SLC1A1: variants seen among roughly 807,000 people sequenced by gnomAD.
SLC1A1 encodes the protein excitatory amino acid transporter 3.
Under a neutral mutation model 53.3 loss-of-function variants are expected in SLC1A1, and 43 were observed. The ratio of observed to expected loss-of-function variants is 0.81; its 90% CI spans 0.63 to 1.04. The LOEUF is 1.04. SLC1A1 is among the 50% of genes least tolerant of loss of function. The probability of loss-of-function intolerance (pLI) is 0.00; values close to 1 mark genes in which losing one functional copy is unlikely to be tolerated. For missense variants in SLC1A1, 748 were observed against 664.9 expected, an observed-to-expected ratio of 1.12 and a Z score of -1.37; for synonymous variants, 307 against 243.2, an observed-to-expected ratio of 1.26 and a Z score of -2.44.
At chr9:4,510,167 T>A (rs539307392) in intron 1 of SLC1A1, among the ~76,000 whole-genome samples, 2 of 152,296 alleles carry the variant, frequency 1.3e-5, no homozygotes, top group Non-Finnish European at 2.9e-5. Flanking sequence ...CTGGTGGCTG[T>A]TGCTTAAGGG....
chr9:4,499,472 C>G (rs1489829483), intron 1 of SLC1A1, among the ~76,000 whole-genome samples: 1 of 152,152 alleles, frequency 6.6e-6, no homozygotes, highest in Non-Finnish European at 1.5e-5. Flanking sequence ...AATGCTTATG[C>G]CTGGTGTTTT....
intron 1 of SLC1A1, 124 bp downstream of exon 1, chr9:4,490,894 G>A: frequency 2.6e-6 from 2 of 767,578 alleles, no homozygotes; most frequent in Non-Finnish European, 4.3e-6. Context: ...TGCCCCCTCG[G>A]CCTTAGCCTC....
intron 1 of SLC1A1, among the ~76,000 whole-genome samples, chr9:4,493,833 C>G (rs1459871462): frequency 1.3e-5 from 2 of 152,060 alleles, no homozygotes; most frequent in Admixed American, 6.5e-5. Context: ...AAATAAGAGG[C>G]AAAGATTTTT....
chr9:4,513,896 G>C (rs941313888), intron 1 of SLC1A1, among the ~76,000 whole-genome samples: 1 of 152,154 alleles, frequency 6.6e-6, no homozygotes, highest in Admixed American at 6.5e-5. Context: ...ACAAAACTCA[G>C]ATGAATCTTA....
intron 7 of SLC1A1, among the ~76,000 whole-genome samples, chr9:4,573,251 T>C (rs372607389): frequency 6.6e-6 from 1 of 152,324 alleles, no homozygotes; most frequent in African/African-American, 2.4e-5. Context: ...CAACATTATT[T>C]AATCCAAAGT....
chr9:4,550,362 C>A (rs775035797), intron 2 of SLC1A1, among the ~76,000 whole-genome samples: 2 of 152,164 alleles, frequency 1.3e-5, no homozygotes, highest in African/African-American at 4.8e-5. Context: ...TTGACCTCAA[C>A]CATAGGATCA....
At chr9:4,511,494 G>T (rs1402845657) in intron 1 of SLC1A1, among the ~76,000 whole-genome samples, 2 of 151,562 alleles carry the variant, frequency 1.3e-5, no homozygotes, top group Admixed American at 1.3e-4. Flanking sequence ...TTTGAAGGAG[G>T]ACATACACAT....
At chr9:4,520,696 G>C (rs1414583377) in intron 1 of SLC1A1, among the ~76,000 whole-genome samples, 2 of 152,120 alleles carry the variant, frequency 1.3e-5, no homozygotes, top group Non-Finnish European at 2.9e-5. Flanking sequence ...TTTCACATTT[G>C]GCTATTAGGA....
chr9:4,563,384 T>A (rs112913323), intron 3 of SLC1A1, among the ~76,000 whole-genome samples: 5 of 152,144 alleles, frequency 3.3e-5, no homozygotes, highest in African/African-American at 1.2e-4. Context: ...AAAATAGCAA[T>A]GAGAATCAAG....
chr9:4,580,651 G>GTGTGTATGTGTGTA (rs370378540), intron 10 of SLC1A1, among the ~76,000 whole-genome samples: 80 of 118,834 alleles, frequency 6.7e-4, no homozygotes, highest in African/African-American at 2.6e-3. Context: ...GTGTGTGTGT[G>GTGTGTATGTGTGTA]TATAAGGAAT....
chr9:4,532,357 G>A (rs1186253092), intron 1 of SLC1A1, among the ~76,000 whole-genome samples: 1 of 151,998 alleles, frequency 6.6e-6, no homozygotes, highest in Non-Finnish European at 1.5e-5. Context: ...CCAATGCAGA[G>A]AAGTCCTTAA....
chr9:4,571,147 T>C (rs981633317), intron 6 of SLC1A1, among the ~76,000 whole-genome samples: 12 of 152,148 alleles, frequency 7.9e-5, no homozygotes, highest in Non-Finnish European at 2.9e-5. Context: ...AACCAAATAC[T>C]GCCTGTTCTT....
At chr9:4,513,903 C>T (rs1235927394) in intron 1 of SLC1A1, among the ~76,000 whole-genome samples, 1 of 152,108 alleles carries the variant, frequency 6.6e-6, no homozygotes, top group Non-Finnish European at 1.5e-5. Context: ...TCAGATGAAT[C>T]TTAGAGGCAT....
chr9:4,509,050 G>C (rs1024565216), intron 1 of SLC1A1, among the ~76,000 whole-genome samples: 1 of 152,182 alleles, frequency 6.6e-6, no homozygotes, highest in African/African-American at 2.4e-5. Context: ...CCTAGGAAAG[G>C]CTTTCTGGAG....
chr9:4,570,384 T>G (rs1202546906), intron 6 of SLC1A1, among the ~76,000 whole-genome samples: 2 of 152,136 alleles, frequency 1.3e-5, no homozygotes, highest in Non-Finnish European at 2.9e-5. Flanking sequence ...TAATTTTTTT[T>G]TTTTTGAGAT....
At position 4,532,130 on chromosome 9, in the gene SLC1A1, ACT is replaced by A. The variant is rs750558804; in HGVS notation, c.92-12434_92-12433del. On this transcript the variant is annotated intron_variant, in intron 1 of 11. Transcript: ENST00000262352. Reference sequence around the variant, plus strand: ...AAAAAACAGAGCAGAAAAACTGGAAACTCTAAAAATCAGAGCGCCTCTCCTCC... The same window carrying A: ...AAAAAACAGAGCAGAAAAACTGGAAACTAAAAATCAGAGCGCCTCTCCTCC... Among the ~76,000 whole-genome samples the A allele has an allele frequency of 5.9e-5, 9 of 152,230 alleles. No individual in the cohort carries two copies. In the East Asian group the frequency reaches 1.4e-3, roughly 23 times the overall value.
Position 4,513,062 on chromosome 9 carries a change from A to G in SLC1A1, c.91+22292A>G, listed in dbSNP as rs965151548. Reference sequence around the variant, plus strand: ...GAACCTCAACCTAAAATCACATTACATTCAAAAATTAACTCCAAAAGGAAA... The same window carrying G: ...GAACCTCAACCTAAAATCACATTACGTTCAAAAATTAACTCCAAAAGGAAA... On this transcript the variant is annotated intron_variant, in intron 1 of 11. Coordinates refer to ENST00000262352, the MANE Select transcript of SLC1A1 (RefSeq NM_004170.6). Among the ~76,000 whole-genome samples, 4 of 152,222 alleles carry G rather than the reference A, an allele frequency of 2.6e-5. No homozygotes were observed. In the South Asian group the frequency reaches 8.3e-4, roughly 32 times the overall value.
intron 1 of SLC1A1, among the ~76,000 whole-genome samples, chr9:4,542,668 C>T (rs1411667486): frequency 6.6e-6 from 1 of 152,194 alleles, no homozygotes; most frequent in East Asian, 1.9e-4. Context: ...CTGGGAATTA[C>T]AGCGTATCCT....
At position 4,556,880 on chromosome 9, in the gene SLC1A1, G is replaced by C. The variant is rs1455183293; in HGVS notation, c.233-4569G>C. Reference sequence around the variant, plus strand: ...TTTGCGGTTTTAGAATTTCAGAGGGGTGGTGATTAGGAAAACGGCTTTGGG... The same window carrying C: ...TTTGCGGTTTTAGAATTTCAGAGGGCTGGTGATTAGGAAAACGGCTTTGGG... On this transcript the variant is annotated intron_variant, in intron 2 of 11. Transcript: ENST00000262352. The surrounding 1 kb of genome is among the most constrained non-coding windows in gnomAD (Gnocchi z 4.1). 1.3e-5 allele frequency among the ~76,000 whole-genome samples: 2 copies of C among 152,162 alleles called. No homozygotes were observed. The highest frequency in any genetic ancestry group is 2.9e-5 in the Non-Finnish European group (2 of 68,028).
Sources: allele counts gnomAD v4.1 joint callset (sites outside exome capture counted in the v4.1 genomes callset), GRCh38; gene constraint gnomAD v4.1.1; non-coding constraint Gnocchi (gnomAD v3.1); transcripts MANE v1.5; gene names NCBI Gene and HGNC (gene_info 2026-07-23, HGNC 2026-07-21).